The following CDK13 variants were observed in gnomAD, a reference collection of about 807,000 sequenced individuals.
The protein encoded by CDK13 is cyclin dependent kinase 13.
CDK13 carries 40 observed loss-of-function variants against 137.6 expected under a neutral mutation model. The ratio of observed to expected loss-of-function variants is 0.29; its 90% confidence interval spans 0.23 to 0.38. The LOEUF is 0.38. CDK13 is among the 10% of genes least tolerant of loss of function. The pLI, the probability that CDK13 is intolerant of heterozygous loss-of-function variation, is 1.00. For missense variants in CDK13, 1,704 were observed against 1,951.8 expected (o/e 0.87, Z 2.39); for synonymous variants, 869 against 760.1 (o/e 1.14, Z -2.36).
At chr7:40,079,583 T>G (rs190055663) in intron 11 of CDK13, among the ~76,000 whole-genome samples, 1 of 152,324 alleles carries the variant, frequency 6.6e-6, no homozygotes, top group Admixed American at 6.5e-5. Flanking sequence ...ATTAGTATTA[T>G]TATCATCACC....
chr7:40,052,569 C>T (rs1398756631), intron 7 of CDK13, among the ~76,000 whole-genome samples: 2 of 152,046 alleles, frequency 1.3e-5, no homozygotes, highest in East Asian at 3.9e-4. Context: ...ATATGATGAT[C>T]CAGTAAGGAG....
intron 9 of CDK13, among the ~76,000 whole-genome samples, chr7:40,076,545 AG>A (rs1484642263): frequency 6.6e-6 from 1 of 151,998 alleles, no homozygotes; most frequent in African/African-American, 2.4e-5. Flanking sequence ...TTTCTTTTCA[AG>A]GGAGTAGGGT....
In CDK13 at chr7:39,997,485, C is replaced by T. The variant is rs759486680; in HGVS notation, c.1872-9C>T. On this transcript the variant is annotated splice_polypyrimidine_tract_variant and intron_variant, in intron 2 of 13. Coordinates refer to ENST00000181839, the MANE Select transcript of CDK13 (RefSeq NM_003718.5). ...TTTGTTTTATTTGTCTGACTTCTTT[C>T]ACTTTCAGCTTACGAGGAAATATTT... 3 of 1,583,992 alleles carry T rather than the reference C, an allele frequency of 1.9e-6. No individual in the cohort carries two copies. The highest frequency in any genetic ancestry group is 4.1e-5 in the Admixed American group (2 of 49,240).
At chr7:40,078,938 A>T in intron 11 of CDK13, 87 bp downstream of exon 11, 2 of 434,388 alleles carry the variant, frequency 4.6e-6, no homozygotes, top group Non-Finnish European at 6.6e-6. Context: ...ATAATAAGAT[A>T]TTTCATGTCT....
intron 6 of CDK13, 46 bp downstream of exon 6, chr7:40,046,071 G>T (rs1785732288): frequency 3.3e-5 from 38 of 1,162,874 alleles, no homozygotes; most frequent in Non-Finnish European, 4.5e-5. Flanking sequence ...TTTTACCATG[G>T]ACATGTACAT....
chr7:39,955,255 C>T (rs1787373297), intron 1 of CDK13, among the ~76,000 whole-genome samples: 1 of 152,132 alleles, frequency 6.6e-6, no homozygotes, highest in African/African-American at 2.4e-5. Flanking sequence ...CACCAAAATC[C>T]ATGTGATAGT....
At position 39,987,812 on chromosome 7, in the gene CDK13, A is replaced by G. The variant is rs1784371135; in HGVS notation, c.1425A>G (p.Glu475=). The G allele has an allele frequency of 3.7e-6, 6 of 1,613,848 alleles. No homozygotes were observed. Among genetic ancestry groups the G allele is most frequent in the Non-Finnish European group, 5.1e-6 (6 of 1,180,014 alleles). ...ARAAEAAKAA[E]ATKAAEAAAK... ...CCGCAGAAGCAGCGAAAGCTGCAGA[A>G]GCAACTAAGGCTGCTGAGGCTGCTG... The change falls in exon 2 of 14, where the codon GAA becomes GAG. Residue 475 remains glutamate (E), a synonymous_variant. Transcript: ENST00000181839.
At chr7:40,020,572 A>T (rs1175186082) in intron 5 of CDK13, among the ~76,000 whole-genome samples, 5 of 152,196 alleles carry the variant, frequency 3.3e-5, no homozygotes, top group African/African-American at 1.2e-4. Context: ...CATTTGTCTT[A>T]GAATGTTATT....
chr7:39,992,092 C>T (rs1401630046), intron 2 of CDK13, among the ~76,000 whole-genome samples: 1 of 118,906 alleles, frequency 8.4e-6, no homozygotes, highest in Non-Finnish European at 1.5e-5. Flanking sequence ...CACACACACA[C>T]ACACACACAC....
At chr7:40,045,757 C>G (rs1159968276) in intron 5 of CDK13, 79 bp from the exon 6 acceptor site, 4 of 929,704 alleles carry the variant, frequency 4.3e-6, no homozygotes, top group Non-Finnish European at 6.7e-6. Flanking sequence ...CTCTACCAGC[C>G]TTTTATTGTT....
chr7:39,978,709 G>A (rs1298737706), intron 1 of CDK13, among the ~76,000 whole-genome samples: 1 of 152,188 alleles, frequency 6.6e-6, no homozygotes, highest in Non-Finnish European at 1.5e-5. Flanking sequence ...TGCAGATTGT[G>A]GTTCAGTAGG....
chr7:40,039,052 C>G (rs1009443985), intron 5 of CDK13, among the ~76,000 whole-genome samples: 17 of 152,154 alleles, frequency 1.1e-4, no homozygotes, highest in African/African-American at 4.1e-4. Flanking sequence ...GGGCGCTTCG[C>G]TCTTTTTTCG....
intron 5 of CDK13, among the ~76,000 whole-genome samples, chr7:40,029,517 T>G (rs1379579821): frequency 1.3e-5 from 2 of 150,230 alleles, no homozygotes; most frequent in Non-Finnish European, 3.0e-5. Context: ...GTCAAGAGAT[T>G]GAGATCATCC....
chr7:40,067,786 C>G (rs1786313535), intron 9 of CDK13: 1 of 151,800 alleles, frequency 6.6e-6, no homozygotes, highest in Non-Finnish European at 1.5e-5. Context: ...CCCCCATCCC[C>G]CATATCTACT....
intron 5 of CDK13, among the ~76,000 whole-genome samples, chr7:40,014,349 G>T (rs1050952673): frequency 6.6e-6 from 1 of 151,622 alleles, no homozygotes; most frequent in Non-Finnish European, 1.5e-5. Flanking sequence ...TTACAGGTGT[G>T]AGCCACTGCC....
rs372129124 is a variant in CDK13, at chr7:39,999,381, G to A, written c.2063G>A (p.Gly688Asp). The A allele has an allele frequency of 3.4e-5, 55 of 1,611,674 alleles. No homozygotes were observed. The highest frequency in any genetic ancestry group is 8.0e-5 in the African/African-American group (6 of 74,800). ...RRPKICGPRYGETKEKDIDWG... is the reference protein window; with the variant it reads ...RRPKICGPRYDETKEKDIDWG... The stretch of plus-strand genomic sequence containing the variant: ...GATAGAATATGTGGGCCTCGCTATG[G>A]TGAAACCAAAGAAAAAGATATTGAC... Residue 688 changes from glycine (G) to aspartate (D), a missense_variant, in exon 4 of 14, where the codon GGT (glycine) becomes GAT (aspartate). Gly to Asp is a moderately conservative substitution (Grantham distance 94, BLOSUM62 -1). Around this residue, in one of 5 missense-constraint regions of CDK13, gnomAD observed 130 missense variants for 362.4 expected, o/e 0.36. Transcript: ENST00000181839.
intron 2 of CDK13, among the ~76,000 whole-genome samples, chr7:39,993,351 C>T (rs1279515461): frequency 6.6e-6 from 1 of 152,152 alleles, no homozygotes; most frequent in Non-Finnish European, 1.5e-5. Flanking sequence ...CTTTTTTACC[C>T]TCACATTGTC....
intron 5 of CDK13, among the ~76,000 whole-genome samples, chr7:40,018,829 C>T (rs149765713): frequency 1.4e-4 from 21 of 152,126 alleles, no homozygotes; most frequent in South Asian, 4.2e-4. Context: ...CATACTTCAC[C>T]GCTATACAAT....
At chr7:39,965,240 T>A (rs1254944220) in intron 1 of CDK13, among the ~76,000 whole-genome samples, 1 of 152,192 alleles carries the variant, frequency 6.6e-6, no homozygotes, top group African/African-American at 2.4e-5. Flanking sequence ...AGTCTCCCAT[T>A]ATTTTTGTGT....
Sources: allele counts gnomAD v4.1 joint callset (sites outside exome capture counted in the v4.1 genomes callset), GRCh38; gene constraint gnomAD v4.1.1; regional missense constraint gnomAD v4.1.1; transcripts MANE v1.5; gene names NCBI Gene and HGNC (gene_info 2026-07-23, HGNC 2026-07-21).